The following PLCE1 variants were observed in gnomAD, a reference collection of about 807,000 sequenced individuals.
PLCE1 encodes the protein phospholipase C epsilon 1.
In PLCE1, 119 loss-of-function variants were observed where a neutral mutation model predicts 242.8. The ratio of observed to expected loss-of-function variants is 0.49; its 90% confidence interval spans 0.42 to 0.57. The LOEUF (loss-of-function observed/expected upper bound fraction) is 0.57. Among genes scored for constraint, PLCE1 ranks in the 20% least tolerant of loss-of-function variants. PLCE1 has a pLI of 0.00. For missense variants in PLCE1, 2,441 were observed against 2,788.8 expected (o/e 0.88, Z 2.81); for synonymous variants, 945 against 1,017.4 (o/e 0.93, Z 1.35).
At chr10:94,158,225 A>G (rs1020005468) in intron 3 of PLCE1, among the ~76,000 whole-genome samples, 3 of 152,162 alleles carry the variant, frequency 2.0e-5, no homozygotes, top group Non-Finnish European at 2.9e-5. Context: ...AAACCATTCC[A>G]TATCTAGAAG....
At chr10:94,268,343 C>T (rs1000275093) in intron 16 of PLCE1, among the ~76,000 whole-genome samples, 2 of 152,180 alleles carry the variant, frequency 1.3e-5, no homozygotes, top group Non-Finnish European at 2.9e-5. Flanking sequence ...ATTTGCCATC[C>T]CTGCTCTAGT....
chr10:94,218,194 A>G lies in PLCE1; in HGVS notation c.1810-9112A>G, dbSNP rs186025193. ...AATTATTACACTTTCTGTGTGATACAGTTATACTTAACACATTCTAAAATA... is the reference window on the plus strand; with the variant it reads ...AATTATTACACTTTCTGTGTGATACGGTTATACTTAACACATTCTAAAATA... On this transcript the variant is annotated intron_variant, in intron 4 of 32. Coordinates refer to ENST00000371380, the MANE Select transcript of PLCE1 (RefSeq NM_016341.4). 2.0e-4 allele frequency among the ~76,000 whole-genome samples: 30 copies of G among 152,314 alleles called. No homozygotes were observed. In the East Asian group the frequency reaches 5.4e-3, roughly 27 times the overall value.
chr10:94,006,208 CA>C (rs1396438509), intron 1 of PLCE1, among the ~76,000 whole-genome samples: 2 of 152,200 alleles, frequency 1.3e-5, no homozygotes, highest in African/African-American at 4.8e-5. Context: ...ATAGTCATAG[CA>C]CTTACTTCAT....
intron 4 of PLCE1, among the ~76,000 whole-genome samples, chr10:94,188,644 T>C (rs748109545): frequency 6.6e-6 from 1 of 152,196 alleles, no homozygotes; most frequent in Non-Finnish European, 1.5e-5. Flanking sequence ...TCGCTCTTGT[T>C]GTCCAGGCTG....
chr10:94,270,866 C>T (rs555892063), intron 18 of PLCE1, among the ~76,000 whole-genome samples: 3 of 152,208 alleles, frequency 2.0e-5, no homozygotes, highest in South Asian at 2.1e-4. Flanking sequence ...GATGAGGTTT[C>T]GCCATGATGG....
At chr10:94,302,973 A>T (rs952701047) in intron 24 of PLCE1, among the ~76,000 whole-genome samples, 13 of 152,204 alleles carry the variant, frequency 8.5e-5, no homozygotes, top group African/African-American at 3.1e-4. Context: ...GCCTGAGAAG[A>T]GAATTTTCTC....
At chr10:94,018,050 G>A (rs1249696695) in intron 1 of PLCE1, among the ~76,000 whole-genome samples, 1 of 152,072 alleles carries the variant, frequency 6.6e-6, no homozygotes, top group Non-Finnish European at 1.5e-5. Context: ...TAATTCTTTT[G>A]AAGACAATTA....
chr10:94,290,716 C>A (rs2133419758), intron 22 of PLCE1, among the ~76,000 whole-genome samples: 1 of 151,830 alleles, frequency 6.6e-6, no homozygotes, highest in South Asian at 2.1e-4. Flanking sequence ...TATATATACA[C>A]ACACACATAT....
At chr10:94,234,751 C>T (rs76180455) in intron 6 of PLCE1, among the ~76,000 whole-genome samples, 4,488 of 152,112 alleles carry the variant, frequency 0.03, 89 homozygotes, top group African/African-American at 0.048. Flanking sequence ...AGCCTGGAGA[C>T]GCATGTAGAG....
intron 4 of PLCE1, among the ~76,000 whole-genome samples, chr10:94,172,735 A>T (rs188430691): frequency 2.2e-4 from 34 of 152,330 alleles, no homozygotes; most frequent in Admixed American, 1.6e-3. Flanking sequence ...GAGACCCTCT[A>T]AGGATCCCTT....
At chr10:94,324,591 CTGTTCT>C in intron 31 of PLCE1, 24 bp downstream of exon 31, 1 of 1,575,744 alleles carries the variant, frequency 6.3e-7, no homozygotes, top group South Asian at 1.1e-5. Flanking sequence ...TTATTTTGCT[CTGTTCT>C]TAAGTTATCT....
At chr10:94,038,044 G>A (rs1197947112) in intron 2 of PLCE1, among the ~76,000 whole-genome samples, 1 of 152,134 alleles carries the variant, frequency 6.6e-6, no homozygotes, top group African/African-American at 2.4e-5. Context: ...GATCCAGTGG[G>A]CAAGGATAAA....
intron 3 of PLCE1, among the ~76,000 whole-genome samples, chr10:94,145,589 A>G (rs917501807): frequency 6.6e-6 from 1 of 152,104 alleles, no homozygotes; most frequent in African/African-American, 2.4e-5. Context: ...CTGGGCCACT[A>G]TTCTCCCTTG....
At chr10:94,167,978 C>G (rs1233573371) in intron 3 of PLCE1, among the ~76,000 whole-genome samples, 1 of 152,010 alleles carries the variant, frequency 6.6e-6, no homozygotes, top group Admixed American at 6.6e-5. Context: ...TGAGCCACTG[C>G]GCCCGACCTA....
At chr10:94,021,015 G>A (rs2061366672) in intron 1 of PLCE1, among the ~76,000 whole-genome samples, 1 of 152,024 alleles carries the variant, frequency 6.6e-6, no homozygotes, top group Non-Finnish European at 1.5e-5. Context: ...ATTTTTAGTA[G>A]AGATGGGGTT....
intron 4 of PLCE1, among the ~76,000 whole-genome samples, chr10:94,206,502 C>T (rs903934843): frequency 6.6e-6 from 1 of 152,198 alleles, no homozygotes; most frequent in African/African-American, 2.4e-5. Flanking sequence ...TCATTCAGCC[C>T]AGTTGATATG....
chr10:94,196,861 T>C (rs1415096754), intron 4 of PLCE1, among the ~76,000 whole-genome samples: 1 of 152,318 alleles, frequency 6.6e-6, no homozygotes. Flanking sequence ...GTATAATACA[T>C]ACATTTAAAG....
chr10:94,053,592 A>G lies in PLCE1; in HGVS notation c.1206+21340A>G, dbSNP rs75588025. Among the ~76,000 whole-genome samples, 347 of 152,350 alleles carry G rather than the reference A, an allele frequency of 2.3e-3. 1 individual carries two copies. The highest frequency in any genetic ancestry group is 6.7e-3 in the African/African-American group (280 of 41,584). Reference sequence around the variant, plus strand: ...CACCAGTAGACTCAGAAGGCCTTGCACTTAGCAGGTCCTCAAGAAAGGCTT... The same window carrying G: ...CACCAGTAGACTCAGAAGGCCTTGCGCTTAGCAGGTCCTCAAGAAAGGCTT... On this transcript the variant is annotated intron_variant, in intron 2 of 32. Coordinates refer to ENST00000371380, the MANE Select transcript of PLCE1 (RefSeq NM_016341.4).
chr10:94,178,888 T>A (rs1259368976), intron 4 of PLCE1, among the ~76,000 whole-genome samples: 1 of 152,212 alleles, frequency 6.6e-6, no homozygotes, highest in African/African-American at 2.4e-5. Flanking sequence ...TGAACCATGT[T>A]TAGAAACGTC....
Sources: gnomAD v4.1 joint callset for allele counts (sites outside exome capture counted in the v4.1 genomes callset) on GRCh38, gnomAD v4.1.1 for gene constraint, MANE v1.5 for transcripts, NCBI Gene and HGNC (gene_info 2026-07-23, HGNC 2026-07-21) for gene names.